The following ARHGEF10L variants were observed in gnomAD, a reference collection of about 807,000 sequenced individuals.
The protein encoded by ARHGEF10L is Rho guanine nucleotide exchange factor 10 like, also known as rho guanine nucleotide exchange factor 10-like protein.
ARHGEF10L carries 69 observed loss-of-function variants against 141.2 expected under a neutral mutation model. That is an observed-to-expected ratio of 0.49 (90% CI 0.40 to 0.60). The LOEUF (loss-of-function observed/expected upper bound fraction) is 0.60. Ranked by LOEUF, ARHGEF10L falls within the 20% of genes least tolerant of loss-of-function variation. The pLI is 0.00. For missense variants in ARHGEF10L, 1,482 were observed against 1,734.3 expected (o/e 0.85, Z 2.58); for synonymous variants, 711 against 718.5 (o/e 0.99, Z 0.17).
intron 14 of ARHGEF10L, among the ~76,000 whole-genome samples, chr1:17,626,479 C>T (rs2060392068): frequency 6.6e-6 from 1 of 152,110 alleles, no homozygotes; most frequent in Non-Finnish European, 1.5e-5. Context: ...CACTGAGGGT[C>T]CTTGGGCAGG....
At chr1:17,645,546 C>T (rs544863806) in intron 21 of ARHGEF10L, among the ~76,000 whole-genome samples, 2 of 152,142 alleles carry the variant, frequency 1.3e-5, no homozygotes, top group Admixed American at 6.5e-5. Context: ...GGGTCCAGAC[C>T]AGAGCTCTTG....
At chr1:17,529,743 C>T in the ARHGEF10L span, among the ~76,000 whole-genome samples, 2 of 151,184 alleles carry the variant, frequency 1.3e-5, no homozygotes, top group East Asian at 3.9e-4. Context: ...GAGCTCTAAG[C>T]AGAGCAGCCA....
intron 1 of ARHGEF10L, among the ~76,000 whole-genome samples, chr1:17,564,600 C>T (rs200573490): frequency 1.3e-5 from 2 of 152,288 alleles, no homozygotes; most frequent in East Asian, 1.9e-4. Flanking sequence ...TCTGCAGCCA[C>T]GTGGCCTGGG....
the ARHGEF10L span, among the ~76,000 whole-genome samples, chr1:17,531,148 G>T: frequency 2.0e-5 from 3 of 152,198 alleles, no homozygotes; most frequent in Non-Finnish European, 4.4e-5. Context: ...GTAAAAGTGG[G>T]GGCATCATCA....
chr1:17,539,452 C>A (rs1267213842), upstream of ARHGEF10L, among the ~76,000 whole-genome samples: 1 of 150,858 alleles, frequency 6.6e-6, no homozygotes, highest in Non-Finnish European at 1.5e-5. This position sits in a 1 kb window ranked among gnomAD's most constrained non-coding sequence, Gnocchi z 6.0. Context: ...GGTGAAGGAG[C>A]GAGGAGGTCG....
Position 17,664,509 on chromosome 1 carries a change from C to G in ARHGEF10L, c.2923C>G (p.Arg975Gly). The change falls in exon 26 of 29, where the codon CGC (arginine) becomes GGC (glycine). Residue 975 changes from arginine (R) to glycine (G), a missense_variant. Physicochemically the swap from Arg to Gly is moderately radical, Grantham distance 125. Around this residue, in one of 3 missense-constraint regions of ARHGEF10L, gnomAD observed 858 missense variants for 966.3 expected, o/e 0.89. Transcript: ENST00000361221. ...CCTGACTGTGGGGCCCGGGCCTGTC[C>G]GCACCCTGTTGAGCCTGGAGGATGC... is the stretch of plus-strand genomic sequence containing the variant. ...VCLTVGPGPV[R>G]TLLSLEDAVW... The G allele has an allele frequency of 6.2e-7, 1 of 1,607,786 alleles. No homozygotes were observed. The highest frequency in any genetic ancestry group is 8.5e-7 in the Non-Finnish European group (1 of 1,179,488).
chr1:17,663,068 A>T (rs559004736), intron 25 of ARHGEF10L, among the ~76,000 whole-genome samples: 114 of 152,252 alleles, frequency 7.5e-4, no homozygotes, highest in Non-Finnish European at 1.3e-3. Flanking sequence ...CAGGGCAGCC[A>T]CCGGGGTTCT....
Position 17,634,943 on chromosome 1 carries a change from C to T in ARHGEF10L, c.1854C>T (p.Gly618=). The T allele has an allele frequency of 6.2e-7, 1 of 1,614,100 alleles. No homozygotes were observed. Among genetic ancestry groups the T allele is most frequent in the Non-Finnish European group, 8.5e-7 (1 of 1,179,990 alleles). The change falls in exon 18 of 29, where the codon GGC becomes GGT. Residue 618 remains glycine, a synonymous_variant. Transcript: ENST00000361221. Reference sequence around the variant, plus strand: ...TGGTGGAGGTGGGCCAGGACGGTGGCACCTATGACAAGGACAATGTGCTCA... The same window carrying T: ...TGGTGGAGGTGGGCCAGGACGGTGGTACCTATGACAAGGACAATGTGCTCA... ...VQVVEVGQDG[G]TYDKDNVLIQ...
intron 25 of ARHGEF10L, among the ~76,000 whole-genome samples, chr1:17,663,468 G>C (rs149030753): frequency 6.6e-6 from 1 of 151,702 alleles, no homozygotes; most frequent in South Asian, 2.1e-4. Context: ...CAAGAGAATC[G>C]CTGGAACCCG....
intron 25 of ARHGEF10L, among the ~76,000 whole-genome samples, chr1:17,662,052 C>T (rs892831597): frequency 2.6e-5 from 4 of 152,222 alleles, no homozygotes; most frequent in Admixed American, 6.5e-5. Flanking sequence ...ACACTTGCTT[C>T]CACACACTGT....
intron 9 of ARHGEF10L, among the ~76,000 whole-genome samples, chr1:17,617,224 G>T (rs2059857601): frequency 1.3e-5 from 2 of 152,344 alleles, no homozygotes; most frequent in South Asian, 4.1e-4. Flanking sequence ...TTACGCAGAA[G>T]CGTCCCATGG....
At chr1:17,617,054 G>A (rs2059847925) in intron 9 of ARHGEF10L, among the ~76,000 whole-genome samples, 1 of 152,184 alleles carries the variant, frequency 6.6e-6, no homozygotes, top group African/African-American at 2.4e-5. Flanking sequence ...GTTGTGTCAG[G>A]GCTGAGGACA....
At chr1:17,576,362 T>C (rs1335771975) in intron 1 of ARHGEF10L, among the ~76,000 whole-genome samples, 1 of 151,936 alleles carries the variant, frequency 6.6e-6, no homozygotes, top group Admixed American at 6.6e-5. Flanking sequence ...GAGGTGCCAA[T>C]GCCGGGCTGC....
chr1:17,652,818 G>A lies in ARHGEF10L; in HGVS notation c.2395-1818G>A, dbSNP rs541353147. 1.9e-4 allele frequency among the ~76,000 whole-genome samples: 29 copies of A among 152,162 alleles called. 1 individual carries two copies. Among genetic ancestry groups the A allele is most frequent in the African/African-American group, 7.0e-4 (29 of 41,514 alleles). On this transcript the variant is annotated intron_variant, in intron 22 of 28. Coordinates refer to ENST00000361221, the MANE Select transcript of ARHGEF10L (RefSeq NM_018125.4). The stretch of plus-strand genomic sequence containing the variant: ...CCTGCTCTGAGATGCTTTAAAACTC[G>A]AGCACCTTGGGAGCCTAAGGGGTGT...
At chr1:17,563,007 G>A (rs1171870127) in intron 1 of ARHGEF10L, among the ~76,000 whole-genome samples, 1 of 152,188 alleles carries the variant, frequency 6.6e-6, no homozygotes, top group Admixed American at 6.5e-5. Context: ...TGCAGGAGGA[G>A]AGGCCTCATT....
chr1:17,545,935 T>C (rs571455877), intron 1 of ARHGEF10L, among the ~76,000 whole-genome samples: 1 of 152,146 alleles, frequency 6.6e-6, no homozygotes, highest in Non-Finnish European at 1.5e-5. Context: ...CCAGAAGGAA[T>C]GGCATGTGCA....
At chr1:17,574,449 A>G (rs191220371) in intron 1 of ARHGEF10L, among the ~76,000 whole-genome samples, 81 of 152,294 alleles carry the variant, frequency 5.3e-4, no homozygotes, top group African/African-American at 1.9e-3. Context: ...GTCCTCAGGG[A>G]CTGGCAGGAA....
intron 1 of ARHGEF10L, among the ~76,000 whole-genome samples, chr1:17,548,828 T>C (rs2077010202): frequency 6.6e-6 from 1 of 150,678 alleles, no homozygotes; most frequent in South Asian, 2.1e-4. Context: ...TTTGTATTTT[T>C]AGTAGAGACA....
intron 1 of ARHGEF10L, among the ~76,000 whole-genome samples, chr1:17,570,236 G>A (rs2077937593): frequency 6.6e-6 from 1 of 152,222 alleles, no homozygotes; most frequent in Admixed American, 6.5e-5. Flanking sequence ...ATTCTCATAG[G>A]AGGAAACTGA....
Sources: gnomAD v4.1 joint callset for allele counts (sites outside exome capture counted in the v4.1 genomes callset) on GRCh38, gnomAD v4.1.1 for gene constraint, gnomAD v4.1.1 regional missense constraint, Gnocchi (gnomAD v3.1) non-coding constraint, MANE v1.5 for transcripts, NCBI Gene and HGNC (gene_info 2026-07-23, HGNC 2026-07-21) for gene names.